The following TLN2 variants were observed in gnomAD, a reference collection of about 807,000 sequenced individuals.
The protein encoded by TLN2 is talin 2.
Under a neutral mutation model 294.7 loss-of-function variants are expected in TLN2, and 118 were observed. The ratio of observed to expected loss-of-function variants is 0.40; its 90% CI spans 0.34 to 0.47. The LOEUF (loss-of-function observed/expected upper bound fraction) is 0.47, where lower values mean the gene tolerates loss of function less well. TLN2 is among the 20% of genes least tolerant of loss of function. The pLI is 0.84. For synonymous variants in TLN2, 1,431 were observed against 1,304.5 expected, an observed-to-expected ratio of 1.10 and a Z score of -2.09; for missense variants, 3,083 against 3,282.2, an observed-to-expected ratio of 0.94 and a Z score of 1.48.
chr15:62,772,415 G>A (rs927274107), intron 42 of TLN2, among the ~76,000 whole-genome samples: 1 of 152,068 alleles, frequency 6.6e-6, no homozygotes, highest in African/African-American at 2.4e-5. Context: ...GTGGTGGAAT[G>A]GAGTGAGAAA....
chr15:62,400,657 G>C (rs1369591230), intron 1 of TLN2, among the ~76,000 whole-genome samples: 1 of 152,020 alleles, frequency 6.6e-6, no homozygotes, highest in African/African-American at 2.4e-5. Context: ...TACATGTGAA[G>C]GGCATTGAGA....
intron 22 of TLN2, among the ~76,000 whole-genome samples, chr15:62,714,982 C>A (rs2059676055): frequency 6.6e-6 from 1 of 152,124 alleles, no homozygotes; most frequent in Non-Finnish European, 1.5e-5. Context: ...TTAGAAAATA[C>A]CTGATGAACA....
intron 41 of TLN2, 71 bp from the exon 42 acceptor site, chr15:62,770,893 C>A: frequency 6.5e-7 from 1 of 1,533,414 alleles, no homozygotes; most frequent in Non-Finnish European, 8.7e-7. Context: ...CCGCGCCTGA[C>A]TGTGGAGCCC....
At chr15:62,529,094 C>G (rs933327423) in intron 1 of TLN2, among the ~76,000 whole-genome samples, 23 of 138,788 alleles carry the variant, frequency 1.7e-4, no homozygotes, top group African/African-American at 6.5e-4. Context: ...ATTTACAGGG[C>G]TTTTTTTTTT....
intron 22 of TLN2, among the ~76,000 whole-genome samples, chr15:62,715,565 T>TA: frequency 6.6e-6 from 1 of 152,200 alleles, no homozygotes; most frequent in East Asian, 1.9e-4. Flanking sequence ...CCCACCCATC[T>TA]AAATAAAATC....
chr15:62,599,537 A>G (rs564052158), intron 2 of TLN2, among the ~76,000 whole-genome samples: 1 of 152,250 alleles, frequency 6.6e-6, no homozygotes, highest in Non-Finnish European at 1.5e-5. Flanking sequence ...TAGTGGCACA[A>G]ATCTATTTGG....
At chr15:62,583,218 C>T (rs2045290946) in intron 1 of TLN2, among the ~76,000 whole-genome samples, 1 of 152,092 alleles carries the variant, frequency 6.6e-6, no homozygotes. Flanking sequence ...ATTCCATGGC[C>T]AGTTGCTTTT....
Position 62,593,677 on chromosome 15 carries a change from G to A in TLN2, c.-162+3915G>A, listed in dbSNP as rs9888700. On this transcript the variant is annotated intron_variant, in intron 2 of 58. Coordinates refer to ENST00000636159, the MANE Select transcript of TLN2 (RefSeq NM_015059.3). ...ACAATCACTTTTCTTTTTTAGCTGC[G>A]AAATTCCATACTGGGAAGATCTAAA... Among the ~76,000 whole-genome samples the A allele has an allele frequency of 2.8e-3, 433 of 152,196 alleles. 4 individuals are homozygous for A. Among genetic ancestry groups the A allele is most frequent in the African/African-American group, 9.9e-3 (409 of 41,522 alleles).
intron 9 of TLN2, among the ~76,000 whole-genome samples, chr15:62,658,376 C>T (rs1416304568): frequency 6.6e-6 from 1 of 152,080 alleles, no homozygotes. Context: ...CTTCTTTGGC[C>T]CTTGACCCCA....
chr15:62,464,693 GTGT>G lies in TLN2; in HGVS notation c.-238+74014_-238+74016del, dbSNP rs1195819098. ...AATTAAATAATTGCAAAAAATTTTG[GTGT>G]TGTTGGGTGATGGATCACTTTTATT... On this transcript the variant is annotated intron_variant, in intron 1 of 58. Transcript: ENST00000636159. Among the ~76,000 whole-genome samples, 4 of 152,180 alleles carry G rather than the reference GTGT, an allele frequency of 2.6e-5. No individual in the cohort carries two copies. In the South Asian group the frequency reaches 8.3e-4, roughly 32 times the overall value.
In TLN2 at chr15:62,755,675, C is replaced by T. The variant is rs118024777; in HGVS notation, c.4620C>T (p.Asn1540=). 2.9e-3 allele frequency: 4,634 copies of T among 1,614,220 alleles called. 11 individuals are homozygous for T. The highest frequency in any genetic ancestry group is 3.3e-3 in the Non-Finnish European group (3,942 of 1,180,026). ...AGGAAGTCGCCAACAGCACTGCCAA[C>T]CTGGTGAAGACCATCAAGGTAGGTC... ...SAKEVANSTA[N]LVKTIKALDG... is the part of the protein sequence containing the mutation. The change falls in exon 37 of 59, where the codon AAC becomes AAT. Residue 1540 remains asparagine (N), a synonymous_variant. Transcript: ENST00000636159.
chr15:62,812,022 T>TAAAC (rs1455157600), intron 52 of TLN2, among the ~76,000 whole-genome samples: 1 of 148,716 alleles, frequency 6.7e-6, no homozygotes, highest in Non-Finnish European at 1.5e-5. Flanking sequence ...AATAAATAAA[T>TAAAC]AAATAAATAA....
At position 62,703,650 on chromosome 15, in the gene TLN2, C is replaced by CAGAG. The variant is rs1555479923; in HGVS notation, c.2004+788_2004+791dup. The stretch of plus-strand genomic sequence containing the variant: ...GCGCACACACACACACACACACACA[C>CAGAG]AGAGAAAGAGAGAGAGAATTTCCTT... On this transcript the variant is annotated intron_variant, in intron 19 of 58. Coordinates refer to ENST00000636159, the MANE Select transcript of TLN2 (RefSeq NM_015059.3). 6.1e-3 allele frequency among the ~76,000 whole-genome samples: 913 copies of CAGAG among 149,906 alleles called. 10 individuals carry two copies. The highest frequency in any genetic ancestry group is 0.021 in the African/African-American group (843 of 40,690).
At chr15:62,728,075 C>T (rs985009208) in intron 28 of TLN2, among the ~76,000 whole-genome samples, 2 of 152,172 alleles carry the variant, frequency 1.3e-5, no homozygotes, top group Non-Finnish European at 1.5e-5. Flanking sequence ...CTACCAGGAT[C>T]GAGGAATCAA....
At chr15:62,536,368 C>G in intron 1 of TLN2, among the ~76,000 whole-genome samples, 1 of 152,262 alleles carries the variant, frequency 6.6e-6, no homozygotes, top group East Asian at 1.9e-4. Context: ...TGTCAATTCC[C>G]TCTTCCCTTC....
chr15:62,833,199 C>G (rs1273640781), intron 54 of TLN2: 1 of 298,606 alleles, frequency 3.3e-6, no homozygotes, highest in Non-Finnish European at 6.3e-6. Context: ...ATATATTGTA[C>G]CACACATACA....
chr15:62,628,380 A>C (rs1317795305), intron 3 of TLN2, among the ~76,000 whole-genome samples: 1 of 152,258 alleles, frequency 6.6e-6, no homozygotes, highest in Non-Finnish European at 1.5e-5. Flanking sequence ...CCCAATTTAC[A>C]CAATGCAAAT....
intron 2 of TLN2, among the ~76,000 whole-genome samples, chr15:62,592,024 G>A (rs1385703957): frequency 6.6e-6 from 1 of 152,148 alleles, no homozygotes. Context: ...TGTTCTGGGT[G>A]GATTCTTAAG....
chr15:62,621,459 AAT>A (rs754189813), intron 3 of TLN2, among the ~76,000 whole-genome samples: 25 of 152,210 alleles, frequency 1.6e-4, no homozygotes, highest in Admixed American at 3.3e-4. Flanking sequence ...AATAGAGATA[AAT>A]ATACAGTATC....
Sources: allele counts gnomAD v4.1 joint callset (sites outside exome capture counted in the v4.1 genomes callset), GRCh38; gene constraint gnomAD v4.1.1; transcripts MANE v1.5; gene names NCBI Gene and HGNC (gene_info 2026-07-23, HGNC 2026-07-21).